MTMR3: variants seen among roughly 807,000 people sequenced by gnomAD.
The protein encoded by MTMR3 is phosphatidylinositol-3,5-bisphosphate 3-phosphatase MTMR3.
In MTMR3, 32 loss-of-function variants were observed where a neutral mutation model predicts 132.4. The ratio of observed to expected loss-of-function variants is 0.24; its 90% CI spans 0.18 to 0.32. MTMR3 has a LOEUF of 0.32. Among genes scored for constraint, MTMR3 ranks in the 10% least tolerant of loss-of-function variants. The probability of loss-of-function intolerance (pLI) is 1.00; values close to 1 mark genes in which losing one functional copy is unlikely to be tolerated. For missense variants in MTMR3, 1,216 were observed against 1,489.6 expected (o/e 0.82, Z 3.02); for synonymous variants, 556 against 550.3 (o/e 1.01, Z -0.14).
intron 1 of MTMR3, among the ~76,000 whole-genome samples, chr22:29,955,952 G>C (rs2066180960): frequency 6.6e-6 from 1 of 151,758 alleles, no homozygotes; most frequent in Non-Finnish European, 1.5e-5. Context: ...GGGTTTCGCT[G>C]TGTTGGCCAG....
intron 1 of MTMR3, among the ~76,000 whole-genome samples, chr22:29,919,196 CTTG>C (rs1163572316): frequency 2.6e-5 from 4 of 152,034 alleles, no homozygotes; most frequent in Admixed American, 6.5e-5. Flanking sequence ...TTTTTTGCTT[CTTG>C]TTCTTCCTTT....
In MTMR3 at chr22:29,898,051, C is replaced by A. The variant is rs568341846; in HGVS notation, c.-138+14692C>A. On this transcript the variant is annotated intron_variant, in intron 1 of 19. Transcript: ENST00000401950. ...AGTACAGAGGCACAATCTTGGCTCA[C>A]TGCAACTTCCGTCTCCCAGGTTCAA... 2.8e-4 allele frequency among the ~76,000 whole-genome samples: 42 copies of A among 152,262 alleles called. 2 individuals carry two copies. In the South Asian group the frequency reaches 8.3e-3, roughly 30 times the overall value.
chr22:29,948,936 A>G (rs2066002528), intron 1 of MTMR3, among the ~76,000 whole-genome samples: 1 of 151,854 alleles, frequency 6.6e-6, no homozygotes, highest in Non-Finnish European at 1.5e-5. Flanking sequence ...ACAAAAAACC[A>G]CAACAGTAAA....
At position 29,971,037 on chromosome 22, in the gene MTMR3, C is replaced by T. The variant is rs199939444; in HGVS notation, c.-23C>T. 10 of 1,556,696 alleles carry T rather than the reference C, an allele frequency of 6.4e-6. No homozygotes were observed. The highest frequency in any genetic ancestry group is 8.7e-6 in the Non-Finnish European group (10 of 1,150,750). ...CACTGAAGAAGGGACGGGGATTTCT[C>T]CTCCTAATCTGGGCCTCTTGTCATG... is the stretch of plus-strand genomic sequence containing the variant. On this transcript the variant is annotated 5_prime_UTR_variant, in exon 3 of 20. Coordinates refer to ENST00000401950, the MANE Select transcript of MTMR3 (RefSeq NM_021090.4).
intron 1 of MTMR3, among the ~76,000 whole-genome samples, chr22:29,923,879 C>T (rs1013888294): frequency 1.3e-5 from 2 of 152,194 alleles, no homozygotes; most frequent in South Asian, 2.1e-4. Context: ...ATTCAAAGCC[C>T]TTTGCCTACT....
chr22:29,935,742 C>CTTTTTTT (rs35840801), intron 1 of MTMR3, among the ~76,000 whole-genome samples: 1 of 125,874 alleles, frequency 7.9e-6, no homozygotes, highest in Non-Finnish European at 1.6e-5. Flanking sequence ...TCCATGCCCA[C>CTTTTTTT]TTTTTTTTTT....
chr22:29,985,248 C>T (rs2066833308), intron 5 of MTMR3: 2 of 152,208 alleles, frequency 1.3e-5, no homozygotes, highest in Admixed American at 6.6e-5. Context: ...ACCTGTAATT[C>T]CAGCACTTTG....
intron 1 of MTMR3, among the ~76,000 whole-genome samples, chr22:29,954,342 G>A (rs1050759965): frequency 5.3e-5 from 8 of 151,556 alleles, no homozygotes; most frequent in African/African-American, 1.9e-4. Flanking sequence ...CTCCCACTTC[G>A]GCCTCCCAGA....
At chr22:29,970,930 C>T in intron 2 of MTMR3, 46 bp from the exon 3 acceptor site, 3 of 861,716 alleles carry the variant, frequency 3.5e-6, no homozygotes, top group Non-Finnish European at 5.1e-6. Flanking sequence ...TTTGCCTCCC[C>T]TCCTCTTTTT....
chr22:30,014,131 A>AT (rs2067508325), intron 14 of MTMR3: 1 of 152,330 alleles, frequency 6.6e-6, no homozygotes, highest in African/African-American at 2.4e-5. Flanking sequence ...CTATCATCCT[A>AT]TTGCTCTTGT....
At chr22:29,977,345 T>C (rs1201305695) in intron 3 of MTMR3, among the ~76,000 whole-genome samples, 1 of 152,218 alleles carries the variant, frequency 6.6e-6, no homozygotes, top group Non-Finnish European at 1.5e-5. Context: ...TCAGGCTTTG[T>C]GATAGATGAC....
rs528147470 is a variant in MTMR3, at chr22:30,018,066, T to C, written c.1814T>C (p.Leu605Pro). The part of the protein sequence containing the change: ...APGTSPDDPP[L>P]SRLPKTRSYD... ...GGCACCAGCCCTGATGATCCCCCCC[T>C]GAGCCGGTGAGCCCAGGGTGATGCC... Residue 605 changes from leucine (L) to proline (P), a missense_variant, in exon 16 of 20, where the codon CTG becomes CCG. Leu to Pro is a moderately conservative substitution (Grantham distance 98). Coordinates refer to ENST00000401950, the MANE Select transcript of MTMR3 (RefSeq NM_021090.4). The C allele has an allele frequency of 1.2e-6, 2 of 1,606,184 alleles. No individual in the cohort carries two copies. Among genetic ancestry groups the C allele is most frequent in the Non-Finnish European group, 8.5e-7 (1 of 1,177,420 alleles).
At chr22:29,887,635 C>A (rs2064705540) in intron 1 of MTMR3, among the ~76,000 whole-genome samples, 1 of 152,162 alleles carries the variant, frequency 6.6e-6, no homozygotes, top group Admixed American at 6.6e-5. Context: ...CCTGGGATGT[C>A]TCACATTTAT....
intron 3 of MTMR3, among the ~76,000 whole-genome samples, chr22:29,972,362 C>G (rs964943816): frequency 1.3e-5 from 2 of 152,134 alleles, no homozygotes; most frequent in African/African-American, 2.4e-5. Context: ...GCTGGGTTCT[C>G]CATGGTGCCT....
At position 30,016,523 on chromosome 22, in the gene MTMR3, C is replaced by T. The variant is rs762332824; in HGVS notation, c.1504-5C>T. 2 of 1,612,764 alleles carry T rather than the reference C, an allele frequency of 1.2e-6. No individual in the cohort carries two copies. On this transcript the variant is annotated splice_region_variant and splice_polypyrimidine_tract_variant and intron_variant, in intron 14 of 19. Coordinates refer to ENST00000401950, the MANE Select transcript of MTMR3 (RefSeq NM_021090.4). ...CTTAATTTGTGCTTCATTGGACTTC[C>T]ATAGGTGAAACTGGTGCAGCATACC...
chr22:30,006,225 T>G (rs2067271201), intron 9 of MTMR3: 1 of 152,238 alleles, frequency 6.6e-6, no homozygotes. Flanking sequence ...AGACTGTGAT[T>G]TCTGGTCTGT....
At chr22:29,966,424 C>T (rs1013121324) in intron 2 of MTMR3, among the ~76,000 whole-genome samples, 2 of 152,058 alleles carry the variant, frequency 1.3e-5, no homozygotes, top group African/African-American at 4.8e-5. Flanking sequence ...CTGTAGGTTT[C>T]CCTTCTATGT....
At chr22:29,914,245 C>T (rs558003654) in intron 1 of MTMR3, among the ~76,000 whole-genome samples, 48 of 152,160 alleles carry the variant, frequency 3.2e-4, no homozygotes, top group Non-Finnish European at 3.1e-4. Context: ...TTCCAGGGCT[C>T]CAAATCCTTG....
intron 8 of MTMR3, 69 bp from the exon 9 acceptor site, chr22:30,002,811 C>CTCTCTCTCCCGTTT (rs1440424060): frequency 6.7e-6 from 8 of 1,192,426 alleles, no homozygotes; most frequent in Non-Finnish European, 9.9e-6. Flanking sequence ...TAGTGTCTCT[C>CTCTCTCTCCCGTTT]TCTCTCTCCC....
Sources: allele counts gnomAD v4.1 joint callset (sites outside exome capture counted in the v4.1 genomes callset), GRCh38; gene constraint gnomAD v4.1.1; transcripts MANE v1.5; gene names NCBI Gene and HGNC (gene_info 2026-07-23, HGNC 2026-07-21).